The following KYAT3 variants were observed in gnomAD, a reference collection of about 807,000 sequenced individuals.
KYAT3 encodes kynurenine aminotransferase 3, also known as kynurenine--oxoglutarate transaminase 3.
In KYAT3, 50 loss-of-function variants were observed where a neutral mutation model predicts 59.0. The observed-to-expected ratio is 0.85, with a 90% CI of 0.68 to 1.07. KYAT3 has a LOEUF of 1.07. Among genes scored for constraint, KYAT3 ranks in the 50% least tolerant of loss-of-function variants. The probability of loss-of-function intolerance (pLI) is 0.00; values close to 1 mark genes in which losing one functional copy is unlikely to be tolerated. For missense variants in KYAT3, 497 were observed against 533.3 expected (o/e 0.93, Z 0.67); for synonymous variants, 148 against 177.0 (o/e 0.84, Z 1.30).
rs752420335 is a variant in KYAT3, at chr1:88,964,994, T to C, written c.304-16A>G. ...ATGGATGGCCCTGTTGGATTAAAAA[T>C]AAGAACAAAACCTTGAATTTAAATA... On this transcript the variant is annotated splice_polypyrimidine_tract_variant and intron_variant, in intron 4 of 13. Transcript: ENST00000260508. 1 of 1,586,752 alleles carries C rather than the reference T, an allele frequency of 6.3e-7. No individual in the cohort carries two copies. The highest frequency in any genetic ancestry group is 1.9e-5 in the Admixed American group (1 of 51,546).
intron 5 of KYAT3, among the ~76,000 whole-genome samples, chr1:88,964,287 T>C (rs144745959): frequency 6.6e-6 from 1 of 152,300 alleles, no homozygotes; most frequent in East Asian, 1.9e-4. Context: ...ATCAAAAACT[T>C]GTAGACCAAG....
At chr1:88,937,998 T>C (rs904367644) in intron 13 of KYAT3, among the ~76,000 whole-genome samples, 9 of 152,256 alleles carry the variant, frequency 5.9e-5, no homozygotes, top group Admixed American at 2.6e-4. Flanking sequence ...ATTGGGACAA[T>C]GAATGACATT....
chr1:88,983,313 G>A (rs1677213860), intron 2 of KYAT3: 1 of 1,614,002 alleles, frequency 6.2e-7, no homozygotes, highest in South Asian at 1.1e-5. Flanking sequence ...CTGCTGCTGC[G>A]AACTAGTCCT....
intron 9 of KYAT3, among the ~76,000 whole-genome samples, chr1:88,953,732 A>C (rs74097889): frequency 0.032 from 4,930 of 152,068 alleles, 235 homozygotes; most frequent in African/African-American, 0.11. Context: ...TTCCTTTCTA[A>C]TAATTTGCTA....
At chr1:88,951,573 T>G (rs982731044) in intron 10 of KYAT3, among the ~76,000 whole-genome samples, 1 of 151,788 alleles carries the variant, frequency 6.6e-6, no homozygotes, top group Non-Finnish European at 1.5e-5. Context: ...AAATACTATT[T>G]TTTTCAGCAT....
chr1:88,938,686 T>C (rs970042913), intron 13 of KYAT3, among the ~76,000 whole-genome samples: 1 of 152,238 alleles, frequency 6.6e-6, no homozygotes, highest in Non-Finnish European at 1.5e-5. Flanking sequence ...AGGCTCCAGC[T>C]CCACCCATGT....
the KYAT3 span, among the ~76,000 whole-genome samples, chr1:88,929,152 G>A: frequency 7.9e-5 from 12 of 152,096 alleles, no homozygotes; most frequent in East Asian, 2.1e-3. Context: ...CCTTAGACCC[G>A]AGGCCCAACA....
intron 2 of KYAT3, among the ~76,000 whole-genome samples, chr1:88,985,329 A>T (rs2101091336): frequency 6.6e-6 from 1 of 152,296 alleles, no homozygotes; most frequent in Non-Finnish European, 1.5e-5. Flanking sequence ...ACAGCTATAA[A>T]TCAGAGTTGG....
At chr1:88,990,581 CTCTCATTTA>C (rs1200636559) in intron 1 of KYAT3, among the ~76,000 whole-genome samples, 1 of 152,202 alleles carries the variant, frequency 6.6e-6, no homozygotes, top group Non-Finnish European at 1.5e-5. Context: ...ATCTTACAAT[CTCTCATTTA>C]TCTCCTGCCT....
chr1:88,986,910 G>T (rs1405928469), intron 2 of KYAT3, among the ~76,000 whole-genome samples: 1 of 152,150 alleles, frequency 6.6e-6, no homozygotes, highest in Non-Finnish European at 1.5e-5. Context: ...TATTTTAAAT[G>T]CAAAGCCTCT....
chr1:88,962,204 T>C, intron 5 of KYAT3, 59 bp from the exon 6 acceptor site: 1 of 1,224,798 alleles, frequency 8.2e-7, no homozygotes, highest in Admixed American at 1.7e-5. Flanking sequence ...TTAATAATAC[T>C]GTGTACCTAC....
chr1:88,938,096 T>C (rs1675104870), intron 13 of KYAT3, among the ~76,000 whole-genome samples: 1 of 152,164 alleles, frequency 6.6e-6, no homozygotes, highest in South Asian at 2.1e-4. Flanking sequence ...GAATGTCTTG[T>C]TTATGAAGAA....
At chr1:88,974,973 C>A (rs911312891) in intron 2 of KYAT3, among the ~76,000 whole-genome samples, 1 of 152,146 alleles carries the variant, frequency 6.6e-6, no homozygotes, top group Non-Finnish European at 1.5e-5. Flanking sequence ...GCAGGGGCAA[C>A]CTGTCCGGGT....
intron 13 of KYAT3, among the ~76,000 whole-genome samples, chr1:88,940,523 A>G (rs1169813587): frequency 6.6e-6 from 1 of 151,486 alleles, no homozygotes. Context: ...ATAAGGGAGA[A>G]GCTGGGGCAG....
intron 2 of KYAT3, among the ~76,000 whole-genome samples, chr1:88,977,567 G>C (rs1434959279): frequency 6.6e-6 from 1 of 152,192 alleles, no homozygotes; most frequent in East Asian, 1.9e-4. Context: ...TTGAACTCCT[G>C]ACCTCAGGTG....
In KYAT3 at chr1:88,969,655, C is replaced by CTTT. The variant is rs34051025; in HGVS notation, c.100-191_100-189dup. On this transcript the variant is annotated intron_variant, in intron 2 of 13. Transcript: ENST00000260508. ...CTCCCACCTACTACTGAAGGAATGCCTTTTTTTTTTTTCTCAGACGTGGTT... is the reference window on the plus strand; with the variant it reads ...CTCCCACCTACTACTGAAGGAATGCCTTTTTTTTTTTTTTTCTCAGACGTGGTT... 7.6e-4 allele frequency among the ~76,000 whole-genome samples: 111 copies of CTTT among 146,252 alleles called. 1 individual carries two copies. Among genetic ancestry groups the CTTT allele is most frequent in the African/African-American group, 2.6e-3 (104 of 40,126 alleles).
chr1:88,975,447 A>AAG (rs1676746998), intron 2 of KYAT3, among the ~76,000 whole-genome samples: 1 of 152,110 alleles, frequency 6.6e-6, no homozygotes, highest in Non-Finnish European at 1.5e-5. Context: ...CACAGCGCCC[A>AAG]GCCCCACATT....
chr1:88,938,174 T>C (rs764946194), intron 13 of KYAT3, among the ~76,000 whole-genome samples: 6 of 152,238 alleles, frequency 3.9e-5, no homozygotes, highest in Admixed American at 1.3e-4. Flanking sequence ...TACTCTGAAA[T>C]AGTTTAGAAA....
chr1:88,943,546 A>G, intron 11 of KYAT3, 123 bp from the exon 12 acceptor site: 1 of 641,964 alleles, frequency 1.6e-6, no homozygotes, highest in Non-Finnish European at 2.8e-6. Context: ...GAATTTTCTC[A>G]GAACATAGTC....
Sources: gnomAD v4.1 joint callset for allele counts (sites outside exome capture counted in the v4.1 genomes callset) on GRCh38, gnomAD v4.1.1 for gene constraint, MANE v1.5 for transcripts, NCBI Gene and HGNC (gene_info 2026-07-23, HGNC 2026-07-21) for gene names.